The following KMT2C variants were observed in gnomAD, a reference collection of about 807,000 sequenced individuals.
KMT2C encodes lysine methyltransferase 2C, also known as histone-lysine N-methyltransferase 2C.
Under a neutral mutation model 507.9 loss-of-function variants are expected in KMT2C, and 88 were observed. The ratio of observed to expected loss-of-function variants is 0.17; its 90% CI spans 0.15 to 0.21. KMT2C has a LOEUF of 0.21. Among genes scored for constraint, KMT2C ranks in the 10% least tolerant of loss-of-function variants. The pLI, the probability that KMT2C is intolerant of heterozygous loss-of-function variation, is 1.00. For missense variants in KMT2C, 4,954 were observed against 5,957.8 expected (o/e 0.83, Z 5.55); for synonymous variants, 2,049 against 2,080.8 (o/e 0.98, Z 0.42).
At chr7:152,213,239 A>G (rs1308083250) in intron 23 of KMT2C, among the ~76,000 whole-genome samples, 5 of 152,180 alleles carry the variant, frequency 3.3e-5, no homozygotes, top group African/African-American at 1.2e-4. Context: ...TTAAATCATA[A>G]AAGACCCTGA....
At chr7:152,282,639 C>G (rs1330704403) in intron 6 of KMT2C, among the ~76,000 whole-genome samples, 1 of 152,000 alleles carries the variant, frequency 6.6e-6, no homozygotes, top group Non-Finnish European at 1.5e-5. Flanking sequence ...ATAGGCAAGA[C>G]TCACCTATGT....
intron 1 of KMT2C, among the ~76,000 whole-genome samples, chr7:152,418,442 T>C (rs1231240183): frequency 2.0e-5 from 3 of 151,988 alleles, no homozygotes; most frequent in African/African-American, 7.2e-5. Flanking sequence ...TTTTTTGTTG[T>C]TGTTTTGAGA....
intron 3 of KMT2C, among the ~76,000 whole-genome samples, chr7:152,316,077 G>A (rs1201201358): frequency 8.6e-5 from 13 of 152,030 alleles, no homozygotes; most frequent in East Asian, 1.9e-4. Flanking sequence ...GCATACACAC[G>A]GGGAGATATA....
At chr7:152,356,937 A>T (rs1384084792) in intron 2 of KMT2C, among the ~76,000 whole-genome samples, 1 of 149,606 alleles carries the variant, frequency 6.7e-6, no homozygotes, top group African/African-American at 2.5e-5. Context: ...TAATAATAGC[A>T]ATAATAATAA....
chr7:152,144,905 G>A lies in KMT2C; in HGVS notation c.14175-24C>T, dbSNP rs2090948953. 1.9e-6 allele frequency: 3 copies of A among 1,584,504 alleles called. No homozygotes were observed. Among genetic ancestry groups the A allele is most frequent in the African/African-American group, 1.4e-5 (1 of 73,738 alleles). On this transcript the variant is annotated intron_variant, in intron 54 of 58. Coordinates refer to ENST00000262189, the MANE Select transcript of KMT2C (RefSeq NM_170606.3). This position sits in a 1 kb window ranked among gnomAD's most constrained non-coding sequence, Gnocchi z 4.4. ...GCCTGCAGACAATGGCATATCAACA[G>A]GAAAAAAATACAAGGAAAACTGAAG...
Position 152,181,397 on chromosome 7 carries a change from T to A in KMT2C, c.6463A>T (p.Asn2155Tyr). 1 of 1,614,038 alleles carries A rather than the reference T, an allele frequency of 6.2e-7. No individual in the cohort carries two copies. Among genetic ancestry groups the A allele is most frequent in the Non-Finnish European group, 8.5e-7 (1 of 1,180,008 alleles). The change falls in exon 36 of 59, where the codon AAT becomes TAT. Residue 2155 changes from asparagine (N) to tyrosine (Y), a missense_variant. Physicochemically the swap from Asn to Tyr is moderately radical, Grantham distance 143. Around this residue, in one of 29 missense-constraint regions of KMT2C, gnomAD observed 1,689 missense variants for 1,654.3 expected, o/e 1.02. Coordinates refer to ENST00000262189, the MANE Select transcript of KMT2C (RefSeq NM_170606.3). ...YSQSSGTARS[N>Y]TDPYSQPPGT... ...GGAGGTTGAGAGTAAGGGTCTGTATTGGACCTAGCTGTTCCTGAAGATTGG... is the reference window on the plus strand; with the variant it reads ...GGAGGTTGAGAGTAAGGGTCTGTATAGGACCTAGCTGTTCCTGAAGATTGG...
chr7:152,228,994 T>G (rs529037494), intron 18 of KMT2C, among the ~76,000 whole-genome samples: 12 of 152,320 alleles, frequency 7.9e-5, no homozygotes, highest in African/African-American at 2.4e-4. Context: ...AAATAAATAC[T>G]AGTGTAGTTA....
Position 152,199,323 on chromosome 7 carries a change from G to T in KMT2C, c.4229C>A (p.Pro1410Gln), listed in dbSNP as rs2129132996. 6.2e-7 allele frequency: 1 copy of T among 1,600,532 alleles called. No homozygotes were observed. Among genetic ancestry groups the T allele is most frequent in the South Asian group, 1.1e-5 (1 of 87,474 alleles). ...TGGAGCCGAGGATGAACTAAGTAGT[G>T]GATCTAAGGAAGGATCCAAGAAACC... ...NTGFLDPSLD[P>Q]LLSSSSAPTK... Residue 1410 changes from proline to glutamine, a missense_variant, in exon 27 of 59, where the codon CCA becomes CAA. By Grantham distance (76) the Pro-to-Gln change is moderately conservative (BLOSUM62 -1). Transcript: ENST00000262189.
rs183583637 is a variant in KMT2C, at chr7:152,170,958, C to G, written c.9453+306G>C. ...TTTTGCCATCAAGTGACTTTTTACC[C>G]GTAAGTATATAAATCCTTTTCAGAA... On this transcript the variant is annotated intron_variant, in intron 40 of 58. Coordinates refer to ENST00000262189, the MANE Select transcript of KMT2C (RefSeq NM_170606.3). 2.0e-3 allele frequency among the ~76,000 whole-genome samples: 297 copies of G among 152,174 alleles called. 2 individuals carry two copies. Among genetic ancestry groups the G allele is most frequent in the Admixed American group, 8.8e-3 (135 of 15,290 alleles).
At chr7:152,314,015 G>A (rs1444681869) in intron 4 of KMT2C, among the ~76,000 whole-genome samples, 1 of 152,078 alleles carries the variant, frequency 6.6e-6, no homozygotes, top group Non-Finnish European at 1.5e-5. Flanking sequence ...TTTTAAGTTT[G>A]CTGGCCTTTT....
At chr7:152,300,917 G>A (rs1168157667) in intron 6 of KMT2C, among the ~76,000 whole-genome samples, 1 of 152,102 alleles carries the variant, frequency 6.6e-6, no homozygotes, top group Non-Finnish European at 1.5e-5. Flanking sequence ...AAGTAGCTGG[G>A]CATGCTGGCA....
chr7:152,298,040 G>T (rs1462788025), intron 6 of KMT2C, among the ~76,000 whole-genome samples: 2 of 151,872 alleles, frequency 1.3e-5, no homozygotes, highest in Non-Finnish European at 2.9e-5. Flanking sequence ...AAGCAGATTA[G>T]AAACTGCAGA....
Position 152,255,107 on chromosome 7 carries a change from ACT to A in KMT2C, c.1300-2394_1300-2393del, listed in dbSNP as rs1491247937. ...AAAATCAAGATGTCAATCAACTCTC[ACT>A]TATATATATATATATATATATATAT... is the stretch of plus-strand genomic sequence containing the variant. On this transcript the variant is annotated intron_variant, in intron 9 of 58. Transcript: ENST00000262189. 2.4e-3 allele frequency among the ~76,000 whole-genome samples: 240 copies of A among 101,872 alleles called. 1 individual carries two copies. Among genetic ancestry groups the A allele is most frequent in the African/African-American group, 8.1e-3 (184 of 22,578 alleles). 66.8% of individuals were successfully genotyped at this position (101,872 alleles called of 152,430 possible).
chr7:152,411,226 T>A (rs2097679873), intron 1 of KMT2C, among the ~76,000 whole-genome samples: 1 of 151,804 alleles, frequency 6.6e-6, no homozygotes. Flanking sequence ...AAACTTTTTA[T>A]CCTTAGGATA....
intron 1 of KMT2C, among the ~76,000 whole-genome samples, chr7:152,388,565 G>A (rs1168688414): frequency 6.6e-6 from 1 of 152,278 alleles, no homozygotes; most frequent in South Asian, 2.1e-4. Flanking sequence ...CAAAAAAACA[G>A]AAACAAACGA....
At chr7:152,343,863 T>C (rs1268599880) in intron 2 of KMT2C, among the ~76,000 whole-genome samples, 1 of 152,178 alleles carries the variant, frequency 6.6e-6, no homozygotes, top group Non-Finnish European at 1.5e-5. Context: ...TAAGAATTTG[T>C]TGTCAGATGA....
intron 34 of KMT2C, among the ~76,000 whole-genome samples, chr7:152,184,084 A>AG (rs1162786262): frequency 6.6e-6 from 1 of 151,394 alleles, no homozygotes; most frequent in East Asian, 1.9e-4. Flanking sequence ...AAAAAAAAAA[A>AG]AAAAAAATTT....
chr7:152,367,415 G>A (rs1181718786), intron 1 of KMT2C: 4 of 689,104 alleles, frequency 5.8e-6, no homozygotes, highest in South Asian at 1.7e-5. Context: ...ACAGGGTCTC[G>A]CCTTATTTCG....
chr7:152,405,408 C>T (rs1277992425), intron 1 of KMT2C, among the ~76,000 whole-genome samples: 18 of 150,560 alleles, frequency 1.2e-4, no homozygotes, highest in African/African-American at 4.5e-4. Flanking sequence ...CCACACTTGG[C>T]TAATTTTTGT....
Sources: allele counts gnomAD v4.1 joint callset (sites outside exome capture counted in the v4.1 genomes callset), GRCh38; gene constraint gnomAD v4.1.1; regional missense constraint gnomAD v4.1.1; non-coding constraint Gnocchi (gnomAD v3.1); transcripts MANE v1.5; gene names NCBI Gene and HGNC (gene_info 2026-07-23, HGNC 2026-07-21).